SPAG16: variants seen among roughly 807,000 people sequenced by gnomAD.
The protein encoded by SPAG16 is sperm associated antigen 16.
In SPAG16, 86 loss-of-function variants were observed where a neutral mutation model predicts 80.4. The observed-to-expected ratio is 1.07, with a 90% CI of 0.90 to 1.28. SPAG16 has a LOEUF of 1.28. SPAG16 is among the 50% of genes most tolerant of loss of function. The pLI, the probability that SPAG16 is intolerant of heterozygous loss-of-function variation, is 0.00. For missense variants in SPAG16, 870 were observed against 765.3 expected (o/e 1.14, Z -1.61); for synonymous variants, 294 against 265.9 (o/e 1.11, Z -1.03).
chr2:213,642,143 T>G (rs1384069327), intron 10 of SPAG16, among the ~76,000 whole-genome samples: 1 of 152,206 alleles, frequency 6.6e-6, no homozygotes, highest in Non-Finnish European at 1.5e-5. Flanking sequence ...GGGGGCAGAC[T>G]TTCCACCTCT....
At chr2:213,763,163 C>G (rs2068751439) in intron 10 of SPAG16, among the ~76,000 whole-genome samples, 1 of 152,034 alleles carries the variant, frequency 6.6e-6, no homozygotes, top group Non-Finnish European at 1.5e-5. Flanking sequence ...AATCTGAATC[C>G]TTGAGTTGTG....
chr2:213,880,991 C>T (rs1896279), intron 11 of SPAG16, among the ~76,000 whole-genome samples: 90,397 of 151,920 alleles, frequency 0.6, 28,770 homozygotes, highest in South Asian at 0.85. Flanking sequence ...ATAGTTTTTT[C>T]CTAATTCTGT....
intron 15 of SPAG16, among the ~76,000 whole-genome samples, chr2:214,282,668 A>AT (rs1693042653): frequency 6.6e-6 from 1 of 152,080 alleles, no homozygotes; most frequent in African/African-American, 2.4e-5. Flanking sequence ...TAGAATGAAA[A>AT]TTTTGGAGCA....
chr2:213,340,898 G>A (rs983517000), intron 6 of SPAG16, among the ~76,000 whole-genome samples: 1 of 152,106 alleles, frequency 6.6e-6, no homozygotes, highest in Non-Finnish European at 1.5e-5. Context: ...CTAAGGCAGT[G>A]CTATCCAACA....
chr2:213,372,791 G>A (rs931466943), intron 8 of SPAG16, among the ~76,000 whole-genome samples: 2 of 152,026 alleles, frequency 1.3e-5, no homozygotes, highest in East Asian at 3.9e-4. Context: ...GGTCTATAAG[G>A]AAGTTAGGGA....
intron 14 of SPAG16, among the ~76,000 whole-genome samples, chr2:214,128,334 T>G (rs2054596181): frequency 6.6e-6 from 1 of 151,870 alleles, no homozygotes; most frequent in South Asian, 2.1e-4. Flanking sequence ...GGGAGAGTTA[T>G]TGGCATGTTT....
At chr2:214,176,312 G>A (rs1256130394) in intron 15 of SPAG16, among the ~76,000 whole-genome samples, 1 of 150,760 alleles carries the variant, frequency 6.6e-6, no homozygotes, top group East Asian at 2.0e-4. Context: ...CTAGCTAGAG[G>A]TGCTATAGAT....
intron 10 of SPAG16, among the ~76,000 whole-genome samples, chr2:213,760,780 T>C (rs2068614699): frequency 6.6e-6 from 1 of 152,192 alleles, no homozygotes; most frequent in African/African-American, 2.4e-5. Context: ...ATAAAAATGT[T>C]TTTTCCTCAC....
intron 10 of SPAG16, among the ~76,000 whole-genome samples, chr2:213,772,131 G>A (rs545472573): frequency 6.6e-6 from 1 of 152,214 alleles, no homozygotes; most frequent in African/African-American, 2.4e-5. Context: ...GCAGTGGTTT[G>A]TAGTTCTCAT....
intron 12 of SPAG16, among the ~76,000 whole-genome samples, chr2:214,010,655 A>G (rs2047240071): frequency 6.8e-6 from 1 of 146,788 alleles, no homozygotes. Context: ...AGGTGACCCA[A>G]GAAATTATAA....
chr2:214,242,574 T>G (rs1689569486), intron 15 of SPAG16, among the ~76,000 whole-genome samples: 1 of 152,140 alleles, frequency 6.6e-6, no homozygotes, highest in African/African-American at 2.4e-5. Context: ...CCAAAATATT[T>G]TGTTTCAAAA....
intron 6 of SPAG16, among the ~76,000 whole-genome samples, chr2:213,346,754 T>C (rs2065016008): frequency 6.6e-6 from 1 of 152,170 alleles, no homozygotes; most frequent in Non-Finnish European, 1.5e-5. Flanking sequence ...TGGATAAGCT[T>C]TTTGATGTGC....
chr2:214,072,851 T>A (rs188391728), intron 13 of SPAG16, among the ~76,000 whole-genome samples: 6 of 152,280 alleles, frequency 3.9e-5, no homozygotes, highest in African/African-American at 1.4e-4. Context: ...AGTTTTTTAA[T>A]TAAAACCCAA....
At chr2:213,439,190 C>A (rs1306915202) in intron 9 of SPAG16, among the ~76,000 whole-genome samples, 1 of 152,078 alleles carries the variant, frequency 6.6e-6, no homozygotes, top group African/African-American at 2.4e-5. Flanking sequence ...TATTTTAAAC[C>A]AATAATTTTG....
chr2:213,672,865 T>G lies in SPAG16; in HGVS notation c.1070+182775T>G, dbSNP rs1418784343. Reference sequence around the variant, plus strand: ...TGTTTGTTTTATTTTGTTTGTTTTTTTTTTTTTTTTTGAGACGGAGTCTTG... The same window carrying G: ...TGTTTGTTTTATTTTGTTTGTTTTTGTTTTTTTTTTTGAGACGGAGTCTTG... On this transcript the variant is annotated intron_variant, in intron 10 of 15. Coordinates refer to ENST00000331683, the MANE Select transcript of SPAG16 (RefSeq NM_024532.5). 1.5e-3 allele frequency among the ~76,000 whole-genome samples: 221 copies of G among 149,518 alleles called. 3 individuals are homozygous for G. Among genetic ancestry groups the G allele is most frequent in the African/African-American group, 4.9e-3 (202 of 40,892 alleles).
At chr2:213,668,026 C>T (rs972629347) in intron 10 of SPAG16, among the ~76,000 whole-genome samples, 5 of 151,672 alleles carry the variant, frequency 3.3e-5, no homozygotes, top group Admixed American at 1.3e-4. Flanking sequence ...CTGCAACCTC[C>T]GCCTCCTGAG....
chr2:214,317,054 A>G (rs1695745870), intron 15 of SPAG16, among the ~76,000 whole-genome samples: 1 of 152,234 alleles, frequency 6.6e-6, no homozygotes, highest in Non-Finnish European at 1.5e-5. Flanking sequence ...TGTTAGAAAC[A>G]TCCCAGGTTG....
intron 15 of SPAG16, among the ~76,000 whole-genome samples, chr2:214,383,061 A>G (rs935397602): frequency 3.3e-5 from 5 of 152,094 alleles, no homozygotes; most frequent in African/African-American, 4.8e-5. Flanking sequence ...CTCTTAAAAC[A>G]TACTATGCTT....
At chr2:213,304,357 C>T (rs2062857575) in intron 3 of SPAG16, among the ~76,000 whole-genome samples, 1 of 152,004 alleles carries the variant, frequency 6.6e-6, no homozygotes, top group Admixed American at 6.6e-5. Flanking sequence ...GTTTCCTTTG[C>T]TGTGCAAAAC....
Sources: allele counts gnomAD v4.1 joint callset (sites outside exome capture counted in the v4.1 genomes callset), GRCh38; gene constraint gnomAD v4.1.1; transcripts MANE v1.5; gene names NCBI Gene and HGNC (gene_info 2026-07-23, HGNC 2026-07-21).